The following RGS7BP variants were observed in gnomAD, a reference collection of about 807,000 sequenced individuals.
The protein encoded by RGS7BP is regulator of G protein signaling 7-binding protein.
A neutral mutation model predicts 31.3 loss-of-function variants in RGS7BP; 9 were observed. The observed-to-expected ratio is 0.29, with a 90% CI of 0.17 to 0.50. RGS7BP has a LOEUF of 0.50. Ranked by LOEUF, RGS7BP falls within the 20% of genes least tolerant of loss-of-function variation. RGS7BP has a pLI of 0.98. For synonymous variants in RGS7BP, 115 were observed against 120.1 expected (o/e 0.96, Z 0.28); for missense variants, 274 against 322.0 (o/e 0.85, Z 1.14).
At position 64,541,762 on chromosome 5, in the gene RGS7BP, GT is replaced by G. The variant is rs1030655878; in HGVS notation, c.332+33894del. On this transcript the variant is annotated intron_variant, in intron 2 of 5. Coordinates refer to ENST00000334025, the MANE Select transcript of RGS7BP (RefSeq NM_001029875.3). Reference sequence around the variant, plus strand: ...TACAGTAGCATTATTTTTTTTCAGTGTTTTTTTTTACTCAGTGTACTAAATC... The same window carrying G: ...TACAGTAGCATTATTTTTTTTCAGTGTTTTTTTTACTCAGTGTACTAAATC... 2.7e-5 allele frequency among the ~76,000 whole-genome samples: 4 copies of G among 150,446 alleles called. No homozygotes were observed. The East Asian group carries it at 7.8e-4, about 29-fold the overall frequency.
chr5:64,576,802 C>G (rs1224984479), intron 3 of RGS7BP, among the ~76,000 whole-genome samples: 2 of 152,154 alleles, frequency 1.3e-5, no homozygotes, highest in Non-Finnish European at 2.9e-5. Flanking sequence ...CCAAAAGTAT[C>G]CATCACCAGA....
At chr5:64,531,524 G>A (rs562838644) in intron 2 of RGS7BP, among the ~76,000 whole-genome samples, 41 of 152,256 alleles carry the variant, frequency 2.7e-4, no homozygotes, top group African/African-American at 9.6e-4. Flanking sequence ...TGCAGTCCGT[G>A]AAGAAGTCAC....
At position 64,506,881 on chromosome 5, in the gene RGS7BP, A is replaced by C; in HGVS notation, c.165+92A>C. ...TTAATCATTTGCCTGAGTGCCAGCC[A>C]CTCCCCCACCCTCAGCTCCTCAATG... On this transcript the variant is annotated intron_variant, in intron 1 of 5. Transcript: ENST00000334025. This position sits in a 1 kb window ranked among gnomAD's most constrained non-coding sequence, Gnocchi z 4.6. The C allele has an allele frequency of 8.3e-7, 1 of 1,211,154 alleles. No homozygotes were observed. The highest frequency in any genetic ancestry group is 1.6e-5 in the South Asian group (1 of 61,926). 75.0% of individuals were successfully genotyped at this position (1,211,154 alleles called of 1,614,324 possible). A position where few individuals can be genotyped will look rare whatever the true frequency, so the allele number is the denominator to read the frequency against.
intron 3 of RGS7BP, among the ~76,000 whole-genome samples, chr5:64,578,677 C>T (rs1446018025): frequency 2.0e-5 from 3 of 152,174 alleles, no homozygotes; most frequent in South Asian, 4.1e-4. Context: ...TTCAATGTGG[C>T]TTTATGCGTT....
At chr5:64,561,547 G>T (rs2111863977) in intron 2 of RGS7BP, among the ~76,000 whole-genome samples, 1 of 152,238 alleles carries the variant, frequency 6.6e-6, no homozygotes, top group Middle Eastern at 3.4e-3. Context: ...GATAGGGATA[G>T]CAACTACCTC....
At chr5:64,574,358 G>C (rs756984648) in intron 2 of RGS7BP, among the ~76,000 whole-genome samples, 1 of 151,972 alleles carries the variant, frequency 6.6e-6, no homozygotes, top group Non-Finnish European at 1.5e-5. Context: ...GGGAGAAACG[G>C]AGGACAGCTT....
intron 2 of RGS7BP, among the ~76,000 whole-genome samples, chr5:64,557,585 T>C (rs1372383818): frequency 6.6e-6 from 1 of 152,142 alleles, no homozygotes; most frequent in African/African-American, 2.4e-5. Context: ...TGGATATCTG[T>C]TATGGATCTC....
chr5:64,585,076 T>C (rs761749605), intron 3 of RGS7BP, among the ~76,000 whole-genome samples: 30 of 152,258 alleles, frequency 2.0e-4, no homozygotes, highest in Middle Eastern at 3.4e-3. Flanking sequence ...CTGTTTGGAT[T>C]CATAAGCATC....
chr5:64,552,017 A>G (rs999626308), intron 2 of RGS7BP, among the ~76,000 whole-genome samples: 2 of 152,214 alleles, frequency 1.3e-5, no homozygotes, highest in African/African-American at 4.8e-5. Flanking sequence ...TAGAATTTGT[A>G]TTAGAAGCTG....
At chr5:64,599,909 C>T (rs1412068447) in intron 5 of RGS7BP, among the ~76,000 whole-genome samples, 1 of 152,168 alleles carries the variant, frequency 6.6e-6, no homozygotes, top group Non-Finnish European at 1.5e-5. Context: ...TTAAATGAAG[C>T]AATGTGTCAT....
At chr5:64,542,258 G>A (rs1029001504) in intron 2 of RGS7BP, among the ~76,000 whole-genome samples, 3 of 152,196 alleles carry the variant, frequency 2.0e-5, no homozygotes, top group African/African-American at 4.8e-5. Flanking sequence ...GAAGGTGCCT[G>A]AGTCTACCAG....
At chr5:64,512,484 T>C (rs1280638302) in intron 2 of RGS7BP, among the ~76,000 whole-genome samples, 3 of 152,178 alleles carry the variant, frequency 2.0e-5, no homozygotes, top group African/African-American at 7.2e-5. Flanking sequence ...GCAAAGATAT[T>C]GTCTCTCCCT....
intron 2 of RGS7BP, among the ~76,000 whole-genome samples, chr5:64,515,072 A>G (rs1034784882): frequency 1.3e-5 from 2 of 152,212 alleles, no homozygotes; most frequent in Non-Finnish European, 2.9e-5. Flanking sequence ...TCTGAAGTGC[A>G]AGAGACCAAG....
At chr5:64,528,688 G>A (rs1479323773) in intron 2 of RGS7BP, among the ~76,000 whole-genome samples, 1 of 151,862 alleles carries the variant, frequency 6.6e-6, no homozygotes, top group Non-Finnish European at 1.5e-5. Flanking sequence ...ATGCGAGCCT[G>A]TAATCCCAGC....
At chr5:64,534,080 T>C (rs1344347302) in intron 2 of RGS7BP, among the ~76,000 whole-genome samples, 2 of 152,162 alleles carry the variant, frequency 1.3e-5, no homozygotes, top group Non-Finnish European at 2.9e-5. Flanking sequence ...GAGCAGCTGA[T>C]TCAGGTACCC....
At chr5:64,549,847 C>A (rs944825253) in intron 2 of RGS7BP, among the ~76,000 whole-genome samples, 1 of 152,168 alleles carries the variant, frequency 6.6e-6, no homozygotes, top group African/African-American at 2.4e-5. Flanking sequence ...TTCTTCAATT[C>A]ATCTCTCTTC....
At chr5:64,577,718 TTCTCTCTCTG>T (rs1487335910) in intron 3 of RGS7BP, among the ~76,000 whole-genome samples, 1 of 152,210 alleles carries the variant, frequency 6.6e-6, no homozygotes. Context: ...CCTGATGTCT[TTCTCTCTCTG>T]TCTCTCTCTG....
At chr5:64,544,894 T>G (rs758100386) in intron 2 of RGS7BP, among the ~76,000 whole-genome samples, 3 of 151,796 alleles carry the variant, frequency 2.0e-5, no homozygotes, top group Non-Finnish European at 4.4e-5. Flanking sequence ...AGTTGGCTTT[T>G]GGCCGGGCGT....
chr5:64,518,939 C>A (rs1202309944), intron 2 of RGS7BP, among the ~76,000 whole-genome samples: 2 of 152,136 alleles, frequency 1.3e-5, no homozygotes, highest in Non-Finnish European at 2.9e-5. Context: ...AAAAGAGTTT[C>A]TCAGAAGCCT....
Sources: gnomAD v4.1 joint callset for allele counts (sites outside exome capture counted in the v4.1 genomes callset) on GRCh38, gnomAD v4.1.1 for gene constraint, Gnocchi (gnomAD v3.1) non-coding constraint, MANE v1.5 for transcripts, NCBI Gene and HGNC (gene_info 2026-07-23, HGNC 2026-07-21) for gene names.